Variants in RBFOX1 observed in about 807,000 individuals in gnomAD.
The protein encoded by RBFOX1 is RNA binding fox-1 homolog 1.
A neutral mutation model predicts 57.7 loss-of-function variants in RBFOX1; 8 were observed. The ratio of observed to expected loss-of-function variants is 0.14; its 90% confidence interval spans 0.08 to 0.25. RBFOX1 has a LOEUF of 0.25. Among genes scored for constraint, RBFOX1 ranks in the 10% least tolerant of loss-of-function variants. The pLI is 1.00. For synonymous variants in RBFOX1, 326 were observed against 222.4 expected (o/e 1.47, Z -4.15); for missense variants, 611 against 548.5 (o/e 1.11, Z -1.14).
intron 4 of RBFOX1, among the ~76,000 whole-genome samples, chr16:7,243,638 C>G (rs932173694): frequency 6.6e-6 from 1 of 152,116 alleles, no homozygotes; most frequent in Admixed American, 6.5e-5. Flanking sequence ...GCCTCAAATT[C>G]TGGGGCTCAA....
chr16:7,084,533 A>G (rs779737434), intron 4 of RBFOX1, among the ~76,000 whole-genome samples: 9 of 152,284 alleles, frequency 5.9e-5, no homozygotes, highest in Non-Finnish European at 8.8e-5. Flanking sequence ...CCATGCAGCA[A>G]TGCCCCAAAA....
rs150293290 is a variant in RBFOX1, at chr16:7,331,235, C to G, written c.28-186912C>G. Among the ~76,000 whole-genome samples, 589 of 152,218 alleles carry G rather than the reference C, an allele frequency of 3.9e-3. 4 individuals carry two copies. The Middle Eastern group carries it at 0.051, about 13-fold the overall frequency. On this transcript the variant is annotated intron_variant, in intron 4 of 15. Transcript: ENST00000550418. ...ATTGACATTTGGATTTAGAAAACGC[C>G]AATAGTTGGATATGTTTGGCGGTGT... is the stretch of plus-strand genomic sequence containing the variant.
chr16:5,844,264 C>G (rs1481331273), intron 3 of RBFOX1, among the ~76,000 whole-genome samples: 2 of 152,150 alleles, frequency 1.3e-5, no homozygotes, highest in Non-Finnish European at 2.9e-5. Flanking sequence ...AACTTAGAAA[C>G]TCAGCCCACA....
intron 2 of RBFOX1, among the ~76,000 whole-genome samples, chr16:6,329,180 G>T (rs1230990842): frequency 6.6e-6 from 1 of 152,166 alleles, no homozygotes; most frequent in African/African-American, 2.4e-5. Context: ...CCATGAAGTG[G>T]AAAGCAGTTG....
Position 7,217,978 on chromosome 16 carries a change from G to A in RBFOX1, c.27+165880G>A, listed in dbSNP as rs561545271. On this transcript the variant is annotated intron_variant, in intron 4 of 15. Transcript: ENST00000550418. Reference sequence around the variant, plus strand: ...CACATGTGTACCTGTGTCTGCGTGTGTGCATGTGCATGTGTGCACGTGCAT... The same window carrying A: ...CACATGTGTACCTGTGTCTGCGTGTATGCATGTGCATGTGTGCACGTGCAT... Among the ~76,000 whole-genome samples the A allele has an allele frequency of 4.0e-5, 6 of 151,778 alleles. No homozygotes were observed. In the East Asian group the frequency reaches 9.7e-4, roughly 25 times the overall value.
chr16:6,172,841 C>G lies in RBFOX1; in HGVS notation c.-126-144154C>G, dbSNP rs375920898. ...GTGGATACAACAACACAGATTTATT[C>G]TTTTACAGTTTGAGTGGTCAGAACT... On this transcript the variant is annotated intron_variant, in intron 1 of 15. Coordinates refer to ENST00000550418, the MANE Select transcript of RBFOX1 (RefSeq NM_018723.4). Among the ~76,000 whole-genome samples, 9 of 152,108 alleles carry G rather than the reference C, an allele frequency of 5.9e-5. No individual in the cohort carries two copies. In the East Asian group the frequency reaches 1.5e-3, roughly 26 times the overall value.
At chr16:5,265,794 C>T (rs765100643) in intron 1 of RBFOX1, among the ~76,000 whole-genome samples, 10 of 152,068 alleles carry the variant, frequency 6.6e-5, no homozygotes, top group East Asian at 3.9e-4. Context: ...TTCTCCTGTT[C>T]GGGGGACTGT....
At position 5,808,041 on chromosome 16, in the gene RBFOX1, A is replaced by T. The variant is rs569468293; in HGVS notation, c.319-59262A>T. ...ACTCCTTCTATGCCTGAATCCTAAG[A>T]GGGTTTTGTGGGCTGAATTTTGTCC... On this transcript the variant is annotated intron_variant, in intron 3 of 19. Coordinates refer to the RBFOX1 transcript ENST00000641259. Among the ~76,000 whole-genome samples the T allele has an allele frequency of 7.2e-5, 11 of 152,276 alleles. No homozygotes were observed. The South Asian group carries it at 2.1e-3, about 29-fold the overall frequency.
chr16:7,278,210 A>G (rs1369422819), intron 4 of RBFOX1, among the ~76,000 whole-genome samples: 2 of 152,208 alleles, frequency 1.3e-5, no homozygotes, highest in African/African-American at 4.8e-5. Context: ...TATGCATTCA[A>G]CAAATTAACC....
At chr16:6,976,570 G>A (rs1161086049) in intron 3 of RBFOX1, among the ~76,000 whole-genome samples, 1 of 151,852 alleles carries the variant, frequency 6.6e-6, no homozygotes, top group Non-Finnish European at 1.5e-5. Flanking sequence ...AAGGCAAGTG[G>A]TGAAAGAACA....
chr16:7,500,196 T>C lies in RBFOX1; in HGVS notation c.28-17951T>C, dbSNP rs994900581. 1.5e-4 allele frequency among the ~76,000 whole-genome samples: 23 copies of C among 152,150 alleles called. 1 individual carries two copies. The highest frequency in any genetic ancestry group is 2.4e-5 in the African/African-American group (1 of 41,446). Reference sequence around the variant, plus strand: ...GACTCTCCAGTCTCAAGTGGAGACATTGGGTGATGTATAGGCTTAGAGATC... The same window carrying C: ...GACTCTCCAGTCTCAAGTGGAGACACTGGGTGATGTATAGGCTTAGAGATC... On this transcript the variant is annotated intron_variant, in intron 4 of 15. Coordinates refer to ENST00000550418, the MANE Select transcript of RBFOX1 (RefSeq NM_018723.4).
chr16:6,402,058 G>C (rs1219972362), intron 2 of RBFOX1, among the ~76,000 whole-genome samples: 1 of 151,328 alleles, frequency 6.6e-6, no homozygotes, highest in Non-Finnish European at 1.5e-5. Context: ...CAGGGAGAAG[G>C]GTCAGAAGGA....
intron 14 of RBFOX1, among the ~76,000 whole-genome samples, chr16:7,689,601 T>C (rs920711532): frequency 6.6e-6 from 1 of 152,084 alleles, no homozygotes; most frequent in Admixed American, 6.6e-5. Flanking sequence ...ATGAGCACTC[T>C]AGGCATTCTT....
chr16:7,580,426 AG>A (rs1555628452), intron 6 of RBFOX1, among the ~76,000 whole-genome samples: 1 of 152,200 alleles, frequency 6.6e-6, no homozygotes, highest in Non-Finnish European at 1.5e-5. Context: ...AGCTGATTTT[AG>A]CAAACAAAAC....
chr16:7,538,330 C>T (rs1474611371), intron 5 of RBFOX1, among the ~76,000 whole-genome samples: 1 of 152,116 alleles, frequency 6.6e-6, no homozygotes. Context: ...CCCCATTAGC[C>T]CATAGCTGCT....
At chr16:7,139,669 G>C (rs2073113413) in intron 4 of RBFOX1, among the ~76,000 whole-genome samples, 1 of 152,196 alleles carries the variant, frequency 6.6e-6, no homozygotes, top group African/African-American at 2.4e-5. Context: ...AAAGAGGCAA[G>C]GGAGAGGAGA....
chr16:7,672,789 C>T (rs941874231), intron 13 of RBFOX1, among the ~76,000 whole-genome samples: 1 of 128,276 alleles, frequency 7.8e-6, no homozygotes, highest in Non-Finnish European at 1.6e-5. Flanking sequence ...ATCGGTTGAA[C>T]CTGGGAGACA....
intron 4 of RBFOX1, among the ~76,000 whole-genome samples, chr16:7,432,844 T>G (rs1015532587): frequency 2.0e-5 from 3 of 152,324 alleles, no homozygotes; most frequent in African/African-American, 7.2e-5. Flanking sequence ...TCCCAGCTTG[T>G]GAATTTGCAT....
At chr16:6,055,962 A>G (rs1349798343) in intron 1 of RBFOX1, among the ~76,000 whole-genome samples, 1 of 152,142 alleles carries the variant, frequency 6.6e-6, no homozygotes, top group African/African-American at 2.4e-5. Flanking sequence ...TATATGAAAT[A>G]TCTCCTAATT....
Sources: allele counts gnomAD v4.1 joint callset (sites outside exome capture counted in the v4.1 genomes callset), GRCh38; gene constraint gnomAD v4.1.1; transcripts MANE v1.5; gene names NCBI Gene and HGNC (gene_info 2026-07-23, HGNC 2026-07-21).